TMEM132D: variants seen among roughly 807,000 people sequenced by gnomAD.
TMEM132D encodes mature OL transmembrane protein.
TMEM132D carries 21 observed loss-of-function variants against 62.3 expected under a neutral mutation model. The ratio of observed to expected loss-of-function variants is 0.34; its 90% CI spans 0.24 to 0.49. The LOEUF (loss-of-function observed/expected upper bound fraction) is 0.49, where lower values mean the gene tolerates loss of function less well. TMEM132D is among the 20% of genes least tolerant of loss of function. TMEM132D has a pLI of 0.99. For synonymous variants in TMEM132D, 621 were observed against 575.6 expected (o/e 1.08, Z -1.13); for missense variants, 1,346 against 1,402.8 (o/e 0.96, Z 0.65).
chr12:129,727,580 T>C (rs1007428953), intron 1 of TMEM132D, among the ~76,000 whole-genome samples: 13 of 152,174 alleles, frequency 8.5e-5, no homozygotes, highest in African/African-American at 2.9e-4. Flanking sequence ...AAAGGGCATA[T>C]ATCCCAGGTC....
chr12:129,606,407 T>C (rs1878626172), intron 2 of TMEM132D, among the ~76,000 whole-genome samples: 1 of 152,164 alleles, frequency 6.6e-6, no homozygotes, highest in African/African-American at 2.4e-5. Flanking sequence ...GCTCAGAGTC[T>C]GCCGCAGCCC....
intron 1 of TMEM132D, among the ~76,000 whole-genome samples, chr12:129,861,798 G>A (rs1218751668): frequency 2.0e-5 from 3 of 151,214 alleles, no homozygotes; most frequent in Admixed American, 1.3e-4. Flanking sequence ...TATTCTGGAG[G>A]TCACAAGATT....
chr12:129,809,201 G>A (rs1030785703), intron 1 of TMEM132D, among the ~76,000 whole-genome samples: 7 of 151,962 alleles, frequency 4.6e-5, no homozygotes, highest in African/African-American at 7.3e-5. Context: ...CCAGATATTC[G>A]GGAGGCTGAG....
intron 2 of TMEM132D, among the ~76,000 whole-genome samples, chr12:129,621,024 C>T (rs566325223): frequency 1.8e-4 from 28 of 152,176 alleles, no homozygotes; most frequent in Non-Finnish European, 3.4e-4. Context: ...TCACATCATG[C>T]CCAGATCCAA....
In TMEM132D at chr12:129,891,935, T is replaced by C. The variant is rs530515512; in HGVS notation, c.79+11326A>G. 2.0e-5 allele frequency among the ~76,000 whole-genome samples: 3 copies of C among 152,306 alleles called. No individual in the cohort carries two copies. The South Asian group carries it at 6.2e-4, about 32-fold the overall frequency. On this transcript the variant is annotated intron_variant, in intron 1 of 8. Transcript: ENST00000422113. ...ATATATCAAAAATGTGAAGCAGTCA[T>C]CTTTGGGTACTGAAATTGTTTCTTT...
At chr12:129,893,701 T>C (rs1379213426) in intron 1 of TMEM132D, among the ~76,000 whole-genome samples, 4 of 152,244 alleles carry the variant, frequency 2.6e-5, no homozygotes, top group Non-Finnish European at 4.4e-5. Flanking sequence ...TTTGATATCA[T>C]CCATCCATTG....
Position 129,622,726 on chromosome 12 carries a change from G to A in TMEM132D, c.968+77084C>T, listed in dbSNP as rs1593093335. Among the ~76,000 whole-genome samples, 3 of 152,296 alleles carry A rather than the reference G, an allele frequency of 2.0e-5. No individual in the cohort carries two copies. In the South Asian group the frequency reaches 6.2e-4, roughly 32 times the overall value. On this transcript the variant is annotated intron_variant, in intron 2 of 8. Transcript: ENST00000422113. ...CGGGGACCATCCACTTCTTTTCCAT[G>A]TGGTCCCAAAGGGGCTGTCAATCAT...
intron 5 of TMEM132D, among the ~76,000 whole-genome samples, chr12:129,157,671 T>C (rs112347226): frequency 0.012 from 1,796 of 152,326 alleles, 42 homozygotes; most frequent in African/African-American, 0.041. Context: ...GCCTGATAAC[T>C]GAATGCTGGC....
At chr12:129,793,426 C>A (rs759405185) in intron 1 of TMEM132D, among the ~76,000 whole-genome samples, 2 of 152,160 alleles carry the variant, frequency 1.3e-5, no homozygotes, top group Non-Finnish European at 2.9e-5. Context: ...GGCTGGAGTG[C>A]AGTGGCATGA....
chr12:129,513,361 C>T (rs1484618679), intron 3 of TMEM132D, among the ~76,000 whole-genome samples: 1 of 152,120 alleles, frequency 6.6e-6, no homozygotes, highest in Non-Finnish European at 1.5e-5. Flanking sequence ...GGGATCTGCC[C>T]CCATAACCCA....
chr12:129,248,947 A>T (rs527594963), intron 4 of TMEM132D, among the ~76,000 whole-genome samples: 2 of 152,286 alleles, frequency 1.3e-5, no homozygotes, highest in African/African-American at 4.8e-5. Context: ...AAGGAATATA[A>T]ATCATTCTAT....
At chr12:129,187,617 G>T (rs1199686980) in intron 5 of TMEM132D, among the ~76,000 whole-genome samples, 2 of 152,202 alleles carry the variant, frequency 1.3e-5, no homozygotes, top group African/African-American at 4.8e-5. Context: ...ATGGGAATGT[G>T]TCTTCTTTGT....
chr12:129,736,768 T>G (rs1593141323), intron 1 of TMEM132D, among the ~76,000 whole-genome samples: 1 of 151,766 alleles, frequency 6.6e-6, no homozygotes, highest in South Asian at 2.1e-4. Context: ...CAGAGGAACA[T>G]TATTATATCT....
At chr12:129,439,152 A>G (rs1872871283) in intron 3 of TMEM132D, among the ~76,000 whole-genome samples, 1 of 152,228 alleles carries the variant, frequency 6.6e-6, no homozygotes, top group African/African-American at 2.4e-5. Flanking sequence ...CATTTGGGAC[A>G]TTGGGAATTA....
Position 129,179,273 on chromosome 12 carries a change from C to T in TMEM132D, c.1443+30247G>A, listed in dbSNP as rs369593860. On this transcript the variant is annotated intron_variant, in intron 5 of 8. Transcript: ENST00000422113. The stretch of plus-strand genomic sequence containing the variant: ...CTCCAACAATGAAATAAGCTTGAGA[C>T]CCAACTTTGCAGATGTGGGGAAGGG... 3.2e-4 allele frequency among the ~76,000 whole-genome samples: 48 copies of T among 152,252 alleles called. 1 individual carries two copies. In the South Asian group the frequency reaches 9.1e-3, roughly 29 times the overall value.
intron 4 of TMEM132D, among the ~76,000 whole-genome samples, chr12:129,259,348 G>C (rs964147292): frequency 6.6e-6 from 1 of 152,204 alleles, no homozygotes; most frequent in Non-Finnish European, 1.5e-5. Context: ...AACCAGGCAT[G>C]AGCAAACCTG....
chr12:129,450,459 T>G (rs1873239422), intron 3 of TMEM132D, among the ~76,000 whole-genome samples: 1 of 152,164 alleles, frequency 6.6e-6, no homozygotes, highest in Admixed American at 6.5e-5. Flanking sequence ...CTTAAAAGTT[T>G]TAGAAAAGAG....
intron 3 of TMEM132D, among the ~76,000 whole-genome samples, chr12:129,391,814 T>C (rs4432080): frequency 1.3e-5 from 2 of 151,978 alleles, no homozygotes; most frequent in Non-Finnish European, 2.9e-5. Context: ...TGGAGTGCAG[T>C]GGTGCTATCT....
chr12:129,877,613 G>A (rs75492546), intron 1 of TMEM132D, among the ~76,000 whole-genome samples: 3,758 of 144,240 alleles, frequency 0.026, 167 homozygotes, highest in African/African-American at 0.089. Context: ...GCGCGCGCGC[G>A]CACACACACA....
Sources: allele counts gnomAD v4.1 joint callset (sites outside exome capture counted in the v4.1 genomes callset), GRCh38; gene constraint gnomAD v4.1.1; transcripts MANE v1.5; gene names NCBI Gene and HGNC (gene_info 2026-07-23, HGNC 2026-07-21).